The following SP4 variants were observed in gnomAD, a reference collection of about 807,000 sequenced individuals.
SP4 encodes the protein Sp4 transcription factor.
A neutral mutation model predicts 72.8 loss-of-function variants in SP4; 19 were observed. That is an observed-to-expected ratio of 0.26 (90% CI 0.18 to 0.38). The LOEUF (loss-of-function observed/expected upper bound fraction) is 0.38, where lower values mean the gene tolerates loss of function less well. Among genes scored for constraint, SP4 ranks in the 10% least tolerant of loss-of-function variants. The pLI, the probability that SP4 is intolerant of heterozygous loss-of-function variation, is 1.00. For synonymous variants in SP4, 395 were observed against 333.1 expected (o/e 1.19, Z -2.02); for missense variants, 1,008 against 926.3 (o/e 1.09, Z -1.14).
chr7:21,477,625 C>G (rs1427828323), intron 4 of SP4, among the ~76,000 whole-genome samples: 1 of 151,854 alleles, frequency 6.6e-6, no homozygotes, highest in Non-Finnish European at 1.5e-5. Context: ...CAATCTCTGC[C>G]TCCCGGGTTC....
chr7:21,500,791 G>A (rs535923673), intron 5 of SP4, among the ~76,000 whole-genome samples: 17 of 152,176 alleles, frequency 1.1e-4, no homozygotes, highest in Non-Finnish European at 2.2e-4. Flanking sequence ...ATTACATTAC[G>A]CACTACTGGA....
At chr7:21,489,924 T>C (rs1784928668) in intron 5 of SP4, among the ~76,000 whole-genome samples, 1 of 152,144 alleles carries the variant, frequency 6.6e-6, no homozygotes, top group African/African-American at 2.4e-5. Flanking sequence ...GTGCTGGGAT[T>C]ATAGGTGTGA....
chr7:21,473,212 G>A (rs764116639), intron 3 of SP4, among the ~76,000 whole-genome samples: 12 of 152,100 alleles, frequency 7.9e-5, no homozygotes, highest in Non-Finnish European at 1.2e-4. Context: ...ACAGGTTAGC[G>A]TAAGAGCTGT....
intron 4 of SP4, among the ~76,000 whole-genome samples, chr7:21,481,428 GT>G (rs1724296548): frequency 6.6e-6 from 1 of 152,120 alleles, no homozygotes; most frequent in African/African-American, 2.4e-5. Context: ...TTGAATAAAT[GT>G]TTCTTTATTT....
chr7:21,507,212 A>G lies in SP4; in HGVS notation c.2108-3810A>G, dbSNP rs377734946. ...TTTTTTCCTGAAATTCCTAATTTCA[A>G]TACTTGCAAGAGGAGCATTTACAAA... On this transcript the variant is annotated intron_variant, in intron 5 of 5. Transcript: ENST00000222584. 1.1e-3 allele frequency among the ~76,000 whole-genome samples: 168 copies of G among 152,336 alleles called. 1 individual carries two copies. Among genetic ancestry groups the G allele is most frequent in the African/African-American group, 3.9e-3 (162 of 41,574 alleles).
chr7:21,496,531 T>G (rs950987553), intron 5 of SP4, among the ~76,000 whole-genome samples: 35 of 152,328 alleles, frequency 2.3e-4, no homozygotes, highest in African/African-American at 8.2e-4. Context: ...CTTCCAAGGC[T>G]CTAAATGTAG....
chr7:21,451,141 C>T (rs1421045557), intron 3 of SP4, among the ~76,000 whole-genome samples: 1 of 152,184 alleles, frequency 6.6e-6, no homozygotes, highest in East Asian at 1.9e-4. Context: ...TGCATGCTCT[C>T]TTGAGCTGTT....
In SP4 at chr7:21,428,745, T is replaced by C. The variant is rs1242595743; in HGVS notation, c.76T>C (p.Ser26Pro). 1 of 1,553,372 alleles carries C rather than the reference T, an allele frequency of 6.4e-7. No homozygotes were observed. The highest frequency in any genetic ancestry group is 2.4e-5 in the East Asian group (1 of 41,036). The change falls in exon 2 of 6, where the codon TCT becomes CCT. Residue 26 changes from serine to proline, a missense_variant. By Grantham distance (74) the Ser-to-Pro change is moderately conservative (BLOSUM62 -1). Transcript: ENST00000222584. ...AAMATEGGKT[S>P]EPENNNKKPK... ...GATGGCTACAGAAGGAGGGAAAACC[T>C]CTGAGCCAGAGAATAACAATAAAAA...
chr7:21,468,086 G>C (rs192569199), intron 3 of SP4, among the ~76,000 whole-genome samples: 2 of 151,992 alleles, frequency 1.3e-5, no homozygotes, highest in Non-Finnish European at 2.9e-5. Context: ...CTTGCAAATC[G>C]TCTTTTCCAA....
At chr7:21,434,935 C>T (rs1031305408) in intron 3 of SP4, among the ~76,000 whole-genome samples, 5 of 152,106 alleles carry the variant, frequency 3.3e-5, no homozygotes, top group Non-Finnish European at 5.9e-5. Flanking sequence ...CTGGCTTAAG[C>T]TCCTTTATTT....
At chr7:21,489,921 G>A (rs953025153) in intron 5 of SP4, among the ~76,000 whole-genome samples, 6 of 152,248 alleles carry the variant, frequency 3.9e-5, no homozygotes, top group Non-Finnish European at 5.9e-5. Flanking sequence ...AAAGTGCTGG[G>A]ATTATAGGTG....
At chr7:21,473,650 T>C (rs2128408088) in intron 3 of SP4, among the ~76,000 whole-genome samples, 1 of 152,290 alleles carries the variant, frequency 6.6e-6, no homozygotes, top group African/African-American at 2.4e-5. Context: ...AGGAATGGCA[T>C]TTCTAAAGAG....
At chr7:21,431,331 A>G (rs951600599) in intron 3 of SP4, among the ~76,000 whole-genome samples, 3 of 152,142 alleles carry the variant, frequency 2.0e-5, no homozygotes, top group East Asian at 3.8e-4. Context: ...CTTGTCGCCC[A>G]TGCTTTTGTG....
At chr7:21,469,522 A>T (rs984769934) in intron 3 of SP4, among the ~76,000 whole-genome samples, 3 of 151,104 alleles carry the variant, frequency 2.0e-5, no homozygotes, top group African/African-American at 7.3e-5. Flanking sequence ...TATTCCCTAA[A>T]TGGCAAGTTT....
intron 3 of SP4, among the ~76,000 whole-genome samples, chr7:21,462,924 A>G (rs1472049358): frequency 6.6e-6 from 1 of 152,262 alleles, no homozygotes; most frequent in African/African-American, 2.4e-5. Context: ...GTGCTGTTCA[A>G]TATGAAAGCC....
chr7:21,466,814 T>A (rs1165665729), intron 3 of SP4, among the ~76,000 whole-genome samples: 1 of 151,978 alleles, frequency 6.6e-6, no homozygotes, highest in African/African-American at 2.4e-5. Context: ...ACCACCAGTG[T>A]ACCATGGAAT....
intron 3 of SP4, among the ~76,000 whole-genome samples, chr7:21,468,056 T>C (rs920257547): frequency 1.3e-5 from 2 of 152,120 alleles, no homozygotes; most frequent in African/African-American, 2.4e-5. Context: ...TGTTACTTAC[T>C]ATTTACTATA....
At chr7:21,469,216 T>C (rs1168228858) in intron 3 of SP4, among the ~76,000 whole-genome samples, 5 of 149,918 alleles carry the variant, frequency 3.3e-5, no homozygotes, top group Non-Finnish European at 3.0e-5. Flanking sequence ...GAAGTACTTA[T>C]ATTACTAAAT....
At position 21,428,176 on chromosome 7, in the gene SP4, T is replaced by TCCACC; in HGVS notation, c.-74_-73insACCCC. On this transcript the variant is annotated 5_prime_UTR_variant, in exon 1 of 6. Transcript: ENST00000222584. ...ACCGCGGGCGGGCGGGACCGGCCTC[T>TCCACC]CCTCCCGCCTCGCCCCCACCCCCAC... 8.3e-6 allele frequency: 6 copies of TCCACC among 718,768 alleles called. No individual in the cohort carries two copies. Among genetic ancestry groups the TCCACC allele is most frequent in the East Asian group, 3.0e-5 (1 of 33,532 alleles). The allele number at this position is 718,768 out of a possible 1,614,324, so 44.5% of individuals were successfully genotyped here.
Sources: gnomAD v4.1 joint callset for allele counts (sites outside exome capture counted in the v4.1 genomes callset) on GRCh38, gnomAD v4.1.1 for gene constraint, MANE v1.5 for transcripts, NCBI Gene and HGNC (gene_info 2026-07-23, HGNC 2026-07-21) for gene names.